Variants in DHRS9 observed in about 807,000 individuals in gnomAD.
DHRS9 encodes the protein dehydrogenase/reductase SDR family member 9.
DHRS9 carries 18 observed loss-of-function variants against 26.6 expected under a neutral mutation model. That is an observed-to-expected ratio of 0.68 (90% CI 0.47 to 1.00). DHRS9 has a LOEUF of 1.00. DHRS9 is among the 50% of genes least tolerant of loss of function. DHRS9 has a pLI of 0.00. For synonymous variants in DHRS9, 134 were observed against 141.1 expected, an observed-to-expected ratio of 0.95 and a Z score of 0.36; for missense variants, 425 against 378.7, an observed-to-expected ratio of 1.12 and a Z score of -1.01.
chr2:169,093,886 A>G (rs1684612504), intron 4 of DHRS9, among the ~76,000 whole-genome samples: 1 of 152,062 alleles, frequency 6.6e-6, no homozygotes, highest in Admixed American at 6.6e-5. Flanking sequence ...GGCCAGTGGG[A>G]CTTGAAGTTG....
intron 1 of DHRS9, chr2:169,072,489 T>A (rs1574018753): frequency 4.1e-6 from 2 of 482,936 alleles, no homozygotes; most frequent in East Asian, 3.1e-4. Flanking sequence ...TTCTTTTTTT[T>A]AAACTGTGTC....
intron 1 of DHRS9, among the ~76,000 whole-genome samples, chr2:169,074,758 A>AACCTTAGAGACTGAAGAACC (rs1683914345): frequency 6.6e-6 from 1 of 152,196 alleles, no homozygotes; most frequent in South Asian, 2.1e-4. Context: ...GAGGAATCTG[A>AACCTTAGAGACTGAAGAACC]ACCAGCATTT....
intron 1 of DHRS9, among the ~76,000 whole-genome samples, chr2:169,072,046 A>G (rs908342210): frequency 6.6e-6 from 1 of 150,642 alleles, no homozygotes; most frequent in Non-Finnish European, 1.5e-5. Context: ...AACAAAAACC[A>G]GTTTTTTTTT....
chr2:169,076,645 A>AGT (rs1408516868), intron 1 of DHRS9, among the ~76,000 whole-genome samples: 1 of 152,180 alleles, frequency 6.6e-6, no homozygotes, highest in African/African-American at 2.4e-5. Flanking sequence ...TCCTTCTGAC[A>AGT]GTGTGAAGCC....
chr2:169,088,878 C>T (rs980271548), intron 3 of DHRS9, among the ~76,000 whole-genome samples: 9 of 152,212 alleles, frequency 5.9e-5, no homozygotes, highest in African/African-American at 2.2e-4. Flanking sequence ...AACAGTACCA[C>T]CCTATTTAAA....
At chr2:169,086,429 T>C (rs193016019) in intron 3 of DHRS9, among the ~76,000 whole-genome samples, 2 of 152,322 alleles carry the variant, frequency 1.3e-5, no homozygotes, top group East Asian at 1.9e-4. Context: ...AAAACAGCTA[T>C]TTTGAATTCT....
chr2:169,071,735 C>T (rs530060137), intron 1 of DHRS9, among the ~76,000 whole-genome samples: 1 of 152,238 alleles, frequency 6.6e-6, no homozygotes, highest in East Asian at 1.9e-4. Flanking sequence ...ACTTACCCTC[C>T]CACGACGATA....
intron 1 of DHRS9, among the ~76,000 whole-genome samples, chr2:169,071,933 T>G (rs1683817996): frequency 6.6e-6 from 1 of 152,050 alleles, no homozygotes; most frequent in South Asian, 2.1e-4. Context: ...AGAAACATAA[T>G]TTTTTAGTTT....
intron 1 of DHRS9, among the ~76,000 whole-genome samples, chr2:169,079,983 G>GAGACAGAAAGAAAGAA (rs1558951565): frequency 2.1e-5 from 1 of 46,780 alleles, no homozygotes. Context: ...GAGAGAGAGA[G>GAGACAGAAAGAAAGAA]AGAAAGAAAG....
At chr2:169,077,083 A>G (rs1683984516) in intron 1 of DHRS9, among the ~76,000 whole-genome samples, 1 of 152,188 alleles carries the variant, frequency 6.6e-6, no homozygotes, top group Non-Finnish European at 1.5e-5. Flanking sequence ...TTTGGATCCA[A>G]TATGGGATCC....
At chr2:169,071,072 AAAAC>A (rs1232479343) in intron 1 of DHRS9, among the ~76,000 whole-genome samples, 1 of 150,050 alleles carries the variant, frequency 6.7e-6, no homozygotes. Context: ...TCAAAAAAAA[AAAAC>A]AACAACAACA....
chr2:169,084,633 T>C (rs1033805150), intron 3 of DHRS9, among the ~76,000 whole-genome samples: 1 of 152,232 alleles, frequency 6.6e-6, no homozygotes, highest in Non-Finnish European at 1.5e-5. Context: ...CACTTGTATG[T>C]CTTTTCAGAA....
intron 3 of DHRS9, among the ~76,000 whole-genome samples, chr2:169,091,353 T>G (rs1019477422): frequency 6.6e-6 from 1 of 152,232 alleles, no homozygotes; most frequent in African/African-American, 2.4e-5. Flanking sequence ...TATCGTATTG[T>G]GTCCTTCAGC....
chr2:169,067,300 A>G (rs548160031), upstream of DHRS9: 22 of 1,533,788 alleles, frequency 1.4e-5, no homozygotes, highest in African/African-American at 2.6e-4. Flanking sequence ...AGCTCATCTT[A>G]GAATGATCTG....
chr2:169,067,177 T>C, upstream of DHRS9: 1 of 1,535,626 alleles, frequency 6.5e-7, no homozygotes, highest in South Asian at 1.2e-5. Context: ...CTGTGCATGC[T>C]CTATCACCAG....
At chr2:169,091,160 T>C (rs1310012458) in intron 3 of DHRS9, among the ~76,000 whole-genome samples, 1 of 151,986 alleles carries the variant, frequency 6.6e-6, no homozygotes, top group Non-Finnish European at 1.5e-5. Context: ...AGGGGCACCA[T>C]GATTCCTGTA....
At chr2:169,076,262 G>A (rs140443101) in intron 1 of DHRS9, among the ~76,000 whole-genome samples, 8 of 151,986 alleles carry the variant, frequency 5.3e-5, no homozygotes, top group South Asian at 4.2e-4. Context: ...CTCTTACTTC[G>A]CCAGTGGGAG....
chr2:169,083,948 A>G (rs909366651), intron 3 of DHRS9, among the ~76,000 whole-genome samples: 19 of 152,102 alleles, frequency 1.2e-4, no homozygotes, highest in African/African-American at 4.1e-4. Flanking sequence ...CCATCTAGTT[A>G]TATTTCTATA....
chr2:169,082,928 G>T (rs1196960920), intron 2 of DHRS9, among the ~76,000 whole-genome samples: 2 of 151,980 alleles, frequency 1.3e-5, no homozygotes, highest in Non-Finnish European at 2.9e-5. Flanking sequence ...TATATCTAAC[G>T]TTAAATGACG....
Sources: gnomAD v4.1 joint callset for allele counts (sites outside exome capture counted in the v4.1 genomes callset) on GRCh38, gnomAD v4.1.1 for gene constraint, MANE v1.5 for transcripts, NCBI Gene and HGNC (gene_info 2026-07-23, HGNC 2026-07-21) for gene names.